Variants in TAFA5 observed in about 807,000 individuals in gnomAD.
TAFA5 encodes TAFA chemokine like family member 5, also known as chemokine-like protein TAFA-5.
A neutral mutation model predicts 15.3 loss-of-function variants in TAFA5; 6 were observed. The ratio of observed to expected loss-of-function variants is 0.39; its 90% CI spans 0.21 to 0.77. The LOEUF (loss-of-function observed/expected upper bound fraction) is 0.77, where lower values mean the gene tolerates loss of function less well. Among genes scored for constraint, TAFA5 ranks in the 30% least tolerant of loss-of-function variants. The probability of loss-of-function intolerance (pLI) is 0.41; values close to 1 mark genes in which losing one functional copy is unlikely to be tolerated. For synonymous variants in TAFA5, 103 were observed against 80.7 expected, an observed-to-expected ratio of 1.28 and a Z score of -1.48; for missense variants, 161 against 193.1, an observed-to-expected ratio of 0.83 and a Z score of 0.98.
At position 48,637,523 on chromosome 22, in the gene TAFA5, G is replaced by A. The variant is rs1480778963; in HGVS notation, c.113-9074G>A. Among the ~76,000 whole-genome samples, 3 of 152,306 alleles carry A rather than the reference G, an allele frequency of 2.0e-5. 1 individual carries two copies. The East Asian group carries it at 5.8e-4, about 29-fold the overall frequency. On this transcript the variant is annotated intron_variant, in intron 1 of 3. Coordinates refer to ENST00000402357, the MANE Select transcript of TAFA5 (RefSeq NM_001082967.3). Reference sequence around the variant, plus strand: ...CGGTAATAATAGTAACATCCTAATTGATGTGCGGAGCCAGCGTTATCGGCA... The same window carrying A: ...CGGTAATAATAGTAACATCCTAATTAATGTGCGGAGCCAGCGTTATCGGCA...
At chr22:48,722,674 T>C (rs943513881) in intron 3 of TAFA5, among the ~76,000 whole-genome samples, 2 of 123,608 alleles carry the variant, frequency 1.6e-5, no homozygotes, top group Non-Finnish European at 3.9e-5. Context: ...CTGCACGTTC[T>C]GCCATGTACC....
intron 2 of TAFA5, among the ~76,000 whole-genome samples, chr22:48,659,355 C>T (rs11204493): frequency 0.17 from 25,733 of 152,248 alleles, 2,715 homozygotes; most frequent in Non-Finnish European, 0.23. Flanking sequence ...AGCCCACCGT[C>T]CACAGACCAG....
intron 1 of TAFA5, among the ~76,000 whole-genome samples, chr22:48,622,894 C>T (rs1192909568): frequency 6.6e-6 from 1 of 152,252 alleles, no homozygotes; most frequent in South Asian, 2.1e-4. Flanking sequence ...ACCTTCCCAC[C>T]TGGGACTGCC....
At chr22:48,716,435 A>G (rs9628612) in intron 3 of TAFA5, among the ~76,000 whole-genome samples, 9,546 of 152,282 alleles carry the variant, frequency 0.063, 364 homozygotes, top group Admixed American at 0.095. Flanking sequence ...ACCGAACACC[A>G]CGTGTTCTCA....
chr22:48,726,773 G>A (rs1004647457), intron 3 of TAFA5, among the ~76,000 whole-genome samples: 6 of 152,242 alleles, frequency 3.9e-5, no homozygotes, highest in African/African-American at 1.4e-4. Flanking sequence ...AAAGCTTGCA[G>A]TTTATATGGC....
intron 1 of TAFA5, among the ~76,000 whole-genome samples, chr22:48,567,273 C>T (rs938258449): frequency 2.0e-5 from 3 of 152,232 alleles, no homozygotes; most frequent in East Asian, 1.9e-4. Context: ...GCCTGGCCTC[C>T]GGAAGGCTGC....
chr22:48,726,240 C>A (rs936616185), intron 3 of TAFA5, among the ~76,000 whole-genome samples: 15 of 152,212 alleles, frequency 9.9e-5, no homozygotes, highest in African/African-American at 3.1e-4. Flanking sequence ...TTTAGATTTG[C>A]AAGGATTTAG....
Position 48,646,757 on chromosome 22 carries a change from G to A in TAFA5, c.262+11G>A, listed in dbSNP as rs758852610. 9 of 1,562,014 alleles carry A rather than the reference G, an allele frequency of 5.8e-6. No individual in the cohort carries two copies. In the African/African-American group the frequency reaches 6.7e-5, roughly 12 times the overall value. On this transcript the variant is annotated intron_variant, in intron 2 of 3. Coordinates refer to ENST00000402357, the MANE Select transcript of TAFA5 (RefSeq NM_001082967.3). ...CCGCCTGTGTGGACGGTAAGCACCC[G>A]TGGCCCCAGGACCCCTCCGGGTGCT...
At chr22:48,680,571 G>A (rs1300721401) in intron 2 of TAFA5, among the ~76,000 whole-genome samples, 1 of 152,150 alleles carries the variant, frequency 6.6e-6, no homozygotes, top group Admixed American at 6.5e-5. Flanking sequence ...GAGGAGCTGA[G>A]GGACCCCAGC....
intron 1 of TAFA5, among the ~76,000 whole-genome samples, chr22:48,604,119 AC>A (rs1398770616): frequency 2.0e-5 from 3 of 152,172 alleles, no homozygotes; most frequent in Non-Finnish European, 4.4e-5. Context: ...TCCCTTTGTT[AC>A]AAATGAAGGG....
intron 1 of TAFA5, among the ~76,000 whole-genome samples, chr22:48,577,271 G>A (rs1460171672): frequency 6.6e-6 from 1 of 152,200 alleles, no homozygotes; most frequent in Non-Finnish European, 1.5e-5. Context: ...CTGGGGGTTG[G>A]GGGCAGGGCC....
intron 2 of TAFA5, among the ~76,000 whole-genome samples, chr22:48,691,505 G>A (rs1928540212): frequency 6.6e-6 from 1 of 152,244 alleles, no homozygotes; most frequent in East Asian, 1.9e-4. Context: ...GGGTTCGCCT[G>A]TGTGCTGAGC....
intron 1 of TAFA5, among the ~76,000 whole-genome samples, chr22:48,578,297 C>G: frequency 6.6e-6 from 1 of 152,218 alleles, no homozygotes; most frequent in East Asian, 1.9e-4. Flanking sequence ...GCCATGTGGC[C>G]GGCCTGTGAC....
intron 1 of TAFA5, among the ~76,000 whole-genome samples, chr22:48,576,894 G>C (rs1215661666): frequency 6.6e-6 from 1 of 151,932 alleles, no homozygotes; most frequent in Admixed American, 6.6e-5. Flanking sequence ...CACTGGGCTC[G>C]GTGGCAGCGG....
intron 2 of TAFA5, among the ~76,000 whole-genome samples, chr22:48,682,788 G>A (rs1928234954): frequency 6.6e-6 from 1 of 152,172 alleles, no homozygotes; most frequent in Admixed American, 6.5e-5. Context: ...CTGTGGCTTG[G>A]TGCTTTCGTC....
chr22:48,542,662 G>GGTGTGTGTGTGC, intron 1 of TAFA5, among the ~76,000 whole-genome samples: 1 of 83,030 alleles, frequency 1.2e-5, no homozygotes, highest in African/African-American at 5.2e-5. Context: ...TGTGTGTGTG[G>GGTGTGTGTGTGC]TGTGTGTGTG....
chr22:48,548,250 G>C (rs532553625), intron 1 of TAFA5, among the ~76,000 whole-genome samples: 1 of 152,168 alleles, frequency 6.6e-6, no homozygotes. Context: ...TGAGTGTAGC[G>C]AGGAGGATGG....
intron 1 of TAFA5, among the ~76,000 whole-genome samples, chr22:48,642,375 C>T (rs1156601571): frequency 1.3e-5 from 2 of 152,178 alleles, no homozygotes; most frequent in Non-Finnish European, 2.9e-5. Context: ...GCTATCATGC[C>T]CCACAGGCAG....
intron 2 of TAFA5, among the ~76,000 whole-genome samples, chr22:48,676,601 A>G (rs1927979221): frequency 6.6e-6 from 1 of 152,172 alleles, no homozygotes; most frequent in South Asian, 2.1e-4. Context: ...CATGCCTGCA[A>G]ATGGCCCCCC....
Sources: gnomAD v4.1 joint callset for allele counts (sites outside exome capture counted in the v4.1 genomes callset) on GRCh38, gnomAD v4.1.1 for gene constraint, MANE v1.5 for transcripts, NCBI Gene and HGNC (gene_info 2026-07-23, HGNC 2026-07-21) for gene names.